The following STIM1 variants were observed in gnomAD, a reference collection of about 807,000 sequenced individuals.
STIM1 encodes stromal interaction molecule 1.
A neutral mutation model predicts 74.7 loss-of-function variants in STIM1; 25 were observed. The ratio of observed to expected loss-of-function variants is 0.33; its 90% confidence interval spans 0.24 to 0.47. The LOEUF is 0.47. Among genes scored for constraint, STIM1 ranks in the 20% least tolerant of loss-of-function variants. The probability of loss-of-function intolerance (pLI) is 1.00; values close to 1 mark genes in which losing one functional copy is unlikely to be tolerated. For missense variants in STIM1, 728 were observed against 920.8 expected (o/e 0.79, Z 2.71); for synonymous variants, 328 against 348.8 (o/e 0.94, Z 0.66).
chr11:3,884,988 G>GA (rs1488778825), intron 1 of STIM1, among the ~76,000 whole-genome samples: 1 of 152,130 alleles, frequency 6.6e-6, no homozygotes, highest in Admixed American at 6.5e-5. Flanking sequence ...TTGCCAGGGT[G>GA]TGGGGGGAGA....
At chr11:4,033,945 G>A (rs994811154) in intron 3 of STIM1, among the ~76,000 whole-genome samples, 6 of 151,584 alleles carry the variant, frequency 4.0e-5, no homozygotes, top group Non-Finnish European at 8.8e-5. Context: ...AAAATATAAT[G>A]TTGGGCCAGA....
intron 1 of STIM1, among the ~76,000 whole-genome samples, chr11:3,879,373 TC>T (rs2091415973): frequency 6.6e-6 from 1 of 152,238 alleles, no homozygotes; most frequent in Non-Finnish European, 1.5e-5. Flanking sequence ...GACTTCCCTT[TC>T]TAGATTATAA....
chr11:4,002,371 C>G (rs1236520362), intron 2 of STIM1, among the ~76,000 whole-genome samples: 1 of 151,156 alleles, frequency 6.6e-6, no homozygotes, highest in East Asian at 1.9e-4. Context: ...AAAGATCAGA[C>G]ATTATAACAA....
At chr11:4,062,281 G>A (rs1345398913) in intron 5 of STIM1, among the ~76,000 whole-genome samples, 1 of 152,190 alleles carries the variant, frequency 6.6e-6, no homozygotes, top group African/African-American at 2.4e-5. Context: ...AGTGGAGAAA[G>A]TATTGGCAAA....
At chr11:4,063,749 C>T (rs2094347486) in intron 5 of STIM1, among the ~76,000 whole-genome samples, 1 of 152,082 alleles carries the variant, frequency 6.6e-6, no homozygotes, top group Non-Finnish European at 1.5e-5. Context: ...TGGCAGGTGA[C>T]CTTGGTCCCT....
chr11:4,083,586 A>AT, intron 10 of STIM1, 88 bp downstream of exon 10: 4 of 1,224,866 alleles, frequency 3.3e-6, no homozygotes, highest in Non-Finnish European at 4.7e-6. Context: ...TAAACAGCAG[A>AT]TGGGGCAGAT....
intron 12 of STIM1, 103 bp from the exon 13 acceptor site, chr11:4,091,151 TCCTGCCGCTCTATCCCCATTTTCCTACC>T: frequency 7.9e-7 from 1 of 1,272,114 alleles, no homozygotes; most frequent in Non-Finnish European, 1.1e-6. Context: ...TATTTCTCTC[TCCTGCCGCTCTATCCCCATTTTCCTACC>T]CTGTCCTTGT....
chr11:3,945,448 A>G (rs2093060915), intron 1 of STIM1, among the ~76,000 whole-genome samples: 1 of 152,050 alleles, frequency 6.6e-6, no homozygotes, highest in African/African-American at 2.4e-5. Flanking sequence ...AAGAAAAGAA[A>G]ATTAGCTGGA....
chr11:3,973,864 C>T, intron 2 of STIM1: 1 of 445,044 alleles, frequency 2.2e-6, no homozygotes, highest in African/African-American at 2.0e-5. Flanking sequence ...TAGGCACATG[C>T]CACCATACCC....
chr11:4,052,635 CTAGAAGAAA>C (rs1427876730), intron 3 of STIM1, among the ~76,000 whole-genome samples: 1 of 152,160 alleles, frequency 6.6e-6, no homozygotes, highest in Non-Finnish European at 1.5e-5. Context: ...CATGAAAACC[CTAGAAGAAA>C]ACCTAGGCAA....
chr11:4,035,193 A>AAT (rs1367600853), intron 3 of STIM1, among the ~76,000 whole-genome samples: 10 of 151,464 alleles, frequency 6.6e-5, no homozygotes, highest in African/African-American at 1.9e-4. Flanking sequence ...CTTCTTTTCT[A>AAT]ATACAGAATT....
intron 5 of STIM1, among the ~76,000 whole-genome samples, chr11:4,069,396 A>G (rs571336277): frequency 1.6e-4 from 24 of 152,220 alleles, no homozygotes; most frequent in African/African-American, 5.5e-4. Context: ...TCTGGTAGGT[A>G]TAATGTCTCA....
At chr11:4,041,053 G>C (rs1018861045) in intron 3 of STIM1, among the ~76,000 whole-genome samples, 14 of 152,158 alleles carry the variant, frequency 9.2e-5, no homozygotes, top group Non-Finnish European at 5.9e-5. Context: ...ACAGTTCCAG[G>C]TCACACACTA....
At chr11:4,004,178 T>C (rs530312628) in intron 2 of STIM1, among the ~76,000 whole-genome samples, 1 of 152,304 alleles carries the variant, frequency 6.6e-6, no homozygotes, top group South Asian at 2.1e-4. Flanking sequence ...AGGTAATTTA[T>C]AGATTCAATG....
chr11:3,883,789 G>A (rs551198115), intron 1 of STIM1, among the ~76,000 whole-genome samples: 21 of 152,222 alleles, frequency 1.4e-4, no homozygotes, highest in Non-Finnish European at 1.8e-4. Flanking sequence ...AATGCTAAAT[G>A]AAACTTGAGT....
rs995462254 is a variant in STIM1 at position 3,993,795 on chromosome 11, C to T, written c.270+26113C>T. On this transcript the variant is annotated intron_variant, in intron 2 of 12. Coordinates refer to ENST00000526596, the MANE Select transcript of STIM1 (RefSeq NM_001382567.1). ...TCTACTCCATTCCTGGCACCCAGAT[C>T]TTCATTATGAATCACTTTTTAAAAT... Among the ~76,000 whole-genome samples, 28 of 152,314 alleles carry T rather than the reference C, an allele frequency of 1.8e-4. 1 individual carries two copies. Among genetic ancestry groups the T allele is most frequent in the African/African-American group, 6.5e-4 (27 of 41,568 alleles).
intron 1 of STIM1, among the ~76,000 whole-genome samples, chr11:3,902,411 A>G (rs1590547206): frequency 1.3e-5 from 2 of 152,312 alleles, no homozygotes; most frequent in Admixed American, 1.3e-4. Context: ...GGTTTCATGC[A>G]AGATAATTTT....
At chr11:4,019,714 A>G (rs960459051) in intron 2 of STIM1, among the ~76,000 whole-genome samples, 2 of 152,250 alleles carry the variant, frequency 1.3e-5, no homozygotes, top group African/African-American at 4.8e-5. Flanking sequence ...GTTTTGATAC[A>G]TGTATACAAT....
intron 1 of STIM1, among the ~76,000 whole-genome samples, chr11:3,870,191 A>G (rs904589475): frequency 1.7e-4 from 26 of 152,238 alleles, no homozygotes; most frequent in Non-Finnish European, 1.9e-4. Flanking sequence ...ATTTGCCTAA[A>G]GTCATACAGT....
Sources: allele counts gnomAD v4.1 joint callset (sites outside exome capture counted in the v4.1 genomes callset), GRCh38; gene constraint gnomAD v4.1.1; transcripts MANE v1.5; gene names NCBI Gene and HGNC (gene_info 2026-07-23, HGNC 2026-07-21).